ARG2: variants seen among roughly 807,000 people sequenced by gnomAD.
The protein encoded by ARG2 is arginase 2.
A neutral mutation model predicts 39.4 loss-of-function variants in ARG2; 21 were observed. That is an observed-to-expected ratio of 0.53 (90% CI 0.38 to 0.77). The LOEUF (loss-of-function observed/expected upper bound fraction) is 0.77, where lower values mean the gene tolerates loss of function less well. Among genes scored for constraint, ARG2 ranks in the 30% least tolerant of loss-of-function variants. The probability of loss-of-function intolerance (pLI) is 0.00; values close to 1 mark genes in which losing one functional copy is unlikely to be tolerated. For synonymous variants in ARG2, 150 were observed against 156.7 expected, an observed-to-expected ratio of 0.96 and a Z score of 0.32; for missense variants, 378 against 426.2, an observed-to-expected ratio of 0.89 and a Z score of 1.00.
intron 2 of ARG2, among the ~76,000 whole-genome samples, chr14:67,625,697 A>AAAG: frequency 6.7e-6 from 1 of 149,140 alleles, no homozygotes; most frequent in African/African-American, 2.4e-5. Flanking sequence ...AAAAAAAAAA[A>AAAG]AAAGAAACTG....
At chr14:67,626,626 A>C (rs1032527244) in intron 2 of ARG2, among the ~76,000 whole-genome samples, 1 of 152,158 alleles carries the variant, frequency 6.6e-6, no homozygotes, top group African/African-American at 2.4e-5. Context: ...AAGCACCACC[A>C]TGCCCAGCTA....
intron 2 of ARG2, among the ~76,000 whole-genome samples, chr14:67,625,521 CA>C (rs1314119191): frequency 1.4e-4 from 21 of 149,962 alleles, no homozygotes; most frequent in African/African-American, 3.2e-4. Context: ...ACTAAAAATA[CA>C]AAAAAAAATT....
chr14:67,650,950 C>A lies in ARG2; in HGVS notation c.*30C>A, dbSNP rs1356498547. On this transcript the variant is annotated 3_prime_UTR_variant, in exon 8 of 8. Transcript: ENST00000261783. Reference sequence around the variant, plus strand: ...CACTGTGCACTGACATGTTTCACAACAGGCATTCCAGAATTATGAGGCATT... The same window carrying A: ...CACTGTGCACTGACATGTTTCACAAAAGGCATTCCAGAATTATGAGGCATT... 2 of 1,597,806 alleles carry A rather than the reference C, an allele frequency of 1.3e-6. No individual in the cohort carries two copies. Among genetic ancestry groups the A allele is most frequent in the African/African-American group, 2.7e-5 (2 of 74,590 alleles).
intron 2 of ARG2, among the ~76,000 whole-genome samples, chr14:67,636,412 C>T (rs1322898819): frequency 2.0e-5 from 3 of 152,230 alleles, no homozygotes; most frequent in African/African-American, 2.4e-5. Context: ...TGGATAGTGA[C>T]ACCAGCAGAG....
intron 2 of ARG2, among the ~76,000 whole-genome samples, chr14:67,632,556 C>T (rs1436901256): frequency 6.6e-6 from 1 of 152,046 alleles, no homozygotes; most frequent in Non-Finnish European, 1.5e-5. Flanking sequence ...CCATTTGTAC[C>T]CAGGGGAGTT....
intron 2 of ARG2, among the ~76,000 whole-genome samples, chr14:67,635,848 T>C (rs1009557064): frequency 1.3e-5 from 2 of 152,138 alleles, no homozygotes; most frequent in Non-Finnish European, 2.9e-5. Flanking sequence ...CAAAACTTCA[T>C]CTAAAAAAAA....
intron 6 of ARG2, 38 bp downstream of exon 6, chr14:67,647,063 T>A: frequency 7.9e-7 from 1 of 1,273,466 alleles, no homozygotes; most frequent in Non-Finnish European, 1.1e-6. Context: ...AAACCCCCAA[T>A]GGGCAACACA....
chr14:67,648,099 C>A lies in ARG2; in HGVS notation c.775C>A (p.Leu259Met), dbSNP rs778606810. ...TGATATTGATGCATTTGACCCTACACTGGCTCCAGCCACAGGAACTCCTGT... is the reference window on the plus strand; with the variant it reads ...TGATATTGATGCATTTGACCCTACAATGGCTCCAGCCACAGGAACTCCTGT... ...SFDIDAFDPT[L>M]APATGTPVVG... The change falls in exon 7 of 8, where the codon CTG becomes ATG. Residue 259 changes from leucine to methionine, a missense_variant. Leu to Met is a conservative substitution (Grantham distance 15). Transcript: ENST00000261783. The A allele has an allele frequency of 6.2e-7, 1 of 1,613,820 alleles. No homozygotes were observed. The highest frequency in any genetic ancestry group is 1.7e-5 in the Admixed American group (1 of 59,976).
At position 67,629,184 on chromosome 14, in the gene ARG2, A is replaced by T. The variant is rs151233002; in HGVS notation, c.184+8218A>T. On this transcript the variant is annotated intron_variant, in intron 2 of 7. Coordinates refer to ENST00000261783, the MANE Select transcript of ARG2 (RefSeq NM_001172.4). ...CCCAATCTCCACAGTGGGGGGAAAA[A>T]AATTAGCCAGGTGTGGTGGTGCATG... Among the ~76,000 whole-genome samples, 496 of 152,236 alleles carry T rather than the reference A, an allele frequency of 3.3e-3. 4 individuals carry two copies. Among genetic ancestry groups the T allele is most frequent in the Non-Finnish European group, 3.5e-3 (240 of 68,020 alleles).
chr14:67,645,949 CTG>C, intron 4 of ARG2, 147 bp downstream of exon 4: 1 of 905,828 alleles, frequency 1.1e-6, no homozygotes, highest in Admixed American at 2.7e-5. Context: ...ACCAGGCAGT[CTG>C]CCAGATGCTA....
chr14:67,642,334 C>T lies in ARG2; in HGVS notation c.333C>T (p.Tyr111=), dbSNP rs1237886598. 1.9e-6 allele frequency: 3 copies of T among 1,613,874 alleles called. No individual in the cohort carries two copies. The highest frequency in any genetic ancestry group is 2.7e-5 in the African/African-American group (2 of 74,920). The change falls in exon 3 of 8, where the codon TAC becomes TAT. Residue 111 remains tyrosine (Y), a synonymous_variant. Transcript: ENST00000261783. ...TTAGCAGAGCTGTGTCAGATGGCTA[C>T]AGCTGTGTCACACTGGGAGGAGACC... The part of the protein sequence containing the change: ...EVVSRAVSDG[Y]SCVTLGGDHS...
At chr14:67,636,261 C>CAA (rs77716844) in intron 2 of ARG2, among the ~76,000 whole-genome samples, 334 of 142,732 alleles carry the variant, frequency 2.3e-3, no homozygotes, top group African/African-American at 8.2e-3. Flanking sequence ...CTTATGCTGT[C>CAA]AAAAAAAAAA....
chr14:67,642,563 C>T (rs545692107), intron 3 of ARG2, among the ~76,000 whole-genome samples, 200 bp downstream of exon 3: 7 of 152,112 alleles, frequency 4.6e-5, no homozygotes, highest in Non-Finnish European at 8.8e-5. Context: ...TTGTATGACA[C>T]ATTGCACAGT....
chr14:67,646,602 C>G (rs183683214), intron 4 of ARG2, 42 bp from the exon 5 acceptor site: 4 of 1,488,852 alleles, frequency 2.7e-6, no homozygotes, highest in African/African-American at 2.8e-5. Flanking sequence ...TTGGTGAGAA[C>G]AAGAATTCTT....
Position 67,630,917 on chromosome 14 carries a change from G to A in ARG2, c.184+9951G>A, listed in dbSNP as rs1594823756. On this transcript the variant is annotated intron_variant, in intron 2 of 7. Coordinates refer to ENST00000261783, the MANE Select transcript of ARG2 (RefSeq NM_001172.4). ...TGTAGAATGTAGTCTTTTCTAAGAG[G>A]TTAATGCTCCCAGCTAAAAACCTTT... Among the ~76,000 whole-genome samples, 4 of 152,216 alleles carry A rather than the reference G, an allele frequency of 2.6e-5. No individual in the cohort carries two copies. In the South Asian group the frequency reaches 8.3e-4, roughly 32 times the overall value.
At chr14:67,632,567 A>G (rs1594824290) in intron 2 of ARG2, among the ~76,000 whole-genome samples, 1 of 152,122 alleles carries the variant, frequency 6.6e-6, no homozygotes, top group Non-Finnish European at 1.5e-5. Flanking sequence ...CAGGGGAGTT[A>G]GGCTCTTACC....
At chr14:67,644,602 A>AT (rs1458436283) in intron 3 of ARG2, among the ~76,000 whole-genome samples, 1 of 152,148 alleles carries the variant, frequency 6.6e-6, no homozygotes, top group East Asian at 1.9e-4. Flanking sequence ...GCTTTCCAAC[A>AT]TTTATTTCAT....
chr14:67,629,115 C>T (rs952148720), intron 2 of ARG2, among the ~76,000 whole-genome samples: 1 of 152,182 alleles, frequency 6.6e-6, no homozygotes, highest in Non-Finnish European at 1.5e-5. Context: ...AGGAGGATTG[C>T]TTGAGTCCAG....
At chr14:67,642,096 C>A in intron 2 of ARG2, 90 bp from the exon 3 acceptor site, 1 of 1,247,802 alleles carries the variant, frequency 8.0e-7, no homozygotes, top group Non-Finnish European at 1.1e-6. Flanking sequence ...ATGATGTGTA[C>A]TTTGTCACGT....
Sources: gnomAD v4.1 joint callset for allele counts (sites outside exome capture counted in the v4.1 genomes callset) on GRCh38, gnomAD v4.1.1 for gene constraint, MANE v1.5 for transcripts, NCBI Gene and HGNC (gene_info 2026-07-23, HGNC 2026-07-21) for gene names.